The following CBR4 variants were observed in gnomAD, a reference collection of about 807,000 sequenced individuals.
CBR4 encodes carbonyl reductase 4.
CBR4 carries 22 observed loss-of-function variants against 21.0 expected under a neutral mutation model. The ratio of observed to expected loss-of-function variants is 1.05; its 90% CI spans 0.75 to 1.50. The LOEUF (loss-of-function observed/expected upper bound fraction) is 1.50, where lower values mean the gene tolerates loss of function less well. Among genes scored for constraint, CBR4 ranks in the 40% most tolerant of loss-of-function variants. The pLI, the probability that CBR4 is intolerant of heterozygous loss-of-function variation, is 0.00. For missense variants in CBR4, 302 were observed against 286.3 expected, an observed-to-expected ratio of 1.05 and a Z score of -0.40; for synonymous variants, 100 against 104.4, an observed-to-expected ratio of 0.96 and a Z score of 0.26.
In CBR4 at chr4:168,949,929, T is replaced by A. The variant is rs149034935; in HGVS notation, n.169+52142A>T. 5.3e-4 allele frequency among the ~76,000 whole-genome samples: 80 copies of A among 152,238 alleles called. No homozygotes were observed. In the East Asian group the frequency reaches 0.015, roughly 28 times the overall value. ...AGGTGTTCATAGTAGCCTTGAATAA[T>A]CTTTTGTATTTCCGTGTTGTCAGTT... On this transcript the variant is annotated intron_variant and non_coding_transcript_variant, in intron 2 of 3. Coordinates refer to the CBR4 transcript ENST00000509108.
rs1762577012 is a variant in CBR4, at chr4:168,926,341, C to T, written n.170-31576G>A. ...GTTCCAACCTGAGGCCAACCCATCT[C>T]ACCTGACACTGAATACTGCCTTGGT... On this transcript the variant is annotated intron_variant and non_coding_transcript_variant, in intron 2 of 3. Transcript: ENST00000509108. 3 of 1,537,368 alleles carry T rather than the reference C, an allele frequency of 2.0e-6. No individual in the cohort carries two copies. Among genetic ancestry groups the T allele is most frequent in the Non-Finnish European group, 2.6e-6 (3 of 1,146,830 alleles).
At chr4:168,921,872 C>A in intron 2 of CBR4, 1 of 772,620 alleles carries the variant, frequency 1.3e-6, no homozygotes, top group Non-Finnish European at 2.2e-6. Context: ...TCAAAATAGC[C>A]AATGAGGACA....
chr4:168,951,185 A>G (rs1207797881), intron 2 of CBR4, among the ~76,000 whole-genome samples: 1 of 152,022 alleles, frequency 6.6e-6, no homozygotes, highest in Non-Finnish European at 1.5e-5. Flanking sequence ...CAGCCTCCTA[A>G]GTAGCTGGGA....
intron 2 of CBR4, among the ~76,000 whole-genome samples, chr4:168,914,521 A>C (rs556119583): frequency 1.3e-5 from 2 of 152,350 alleles, no homozygotes; most frequent in South Asian, 4.1e-4. Flanking sequence ...CACATTTTAA[A>C]TACTCAGATA....
chr4:168,898,650 A>T, intron 2 of CBR4: 1 of 1,614,198 alleles, frequency 6.2e-7, no homozygotes, highest in Non-Finnish European at 8.5e-7. Context: ...CTGAAACATT[A>T]CAAGATCTTT....
At position 168,979,771 on chromosome 4, in the gene CBR4, A is replaced by G. The variant is rs1454314102; in HGVS notation, n.169+22300T>C. Among the ~76,000 whole-genome samples, 3 of 152,058 alleles carry G rather than the reference A, an allele frequency of 2.0e-5. No homozygotes were observed. In the East Asian group the frequency reaches 5.8e-4, roughly 29 times the overall value. On this transcript the variant is annotated intron_variant and non_coding_transcript_variant, in intron 2 of 3. Coordinates refer to the CBR4 transcript ENST00000509108. ...CCCCCAGCTGAATATTCCCATTCGC[A>G]GTGGCTCTGCATTTCCCAGGGGCGG...
At chr4:168,944,602 A>G (rs1004211692) in intron 2 of CBR4, among the ~76,000 whole-genome samples, 2 of 152,190 alleles carry the variant, frequency 1.3e-5, no homozygotes, top group Non-Finnish European at 2.9e-5. Flanking sequence ...CCTCAACCAT[A>G]AGGGATAGTT....
chr4:168,980,258 TGA>T (rs1764506009), intron 2 of CBR4, among the ~76,000 whole-genome samples: 1 of 151,578 alleles, frequency 6.6e-6, no homozygotes, highest in Non-Finnish European at 1.5e-5. Flanking sequence ...CTCTCCCACT[TGA>T]GAGGAGGCTC....
At chr4:168,896,565 A>G (rs1450039629) in intron 2 of CBR4, 2 of 1,513,252 alleles carry the variant, frequency 1.3e-6, no homozygotes, top group Non-Finnish European at 1.8e-6. Context: ...GGTTCTCCTC[A>G]TGCTTCTGTA....
chr4:168,946,070 C>T (rs2126689903), intron 2 of CBR4, among the ~76,000 whole-genome samples: 1 of 152,330 alleles, frequency 6.6e-6, no homozygotes, highest in South Asian at 2.1e-4. Context: ...CTCTCATCCT[C>T]TCCTATACCT....
At chr4:169,006,687 C>A (rs976585871) in intron 3 of CBR4, 68 bp downstream of exon 3, 29 of 1,330,816 alleles carry the variant, frequency 2.2e-5, no homozygotes, top group Non-Finnish European at 2.7e-5. Context: ...ATCACAAATT[C>A]GTGGATTAAA....
chr4:168,924,949 C>T lies in CBR4; in HGVS notation n.170-30184G>A, dbSNP rs778210310. 52 of 1,613,972 alleles carry T rather than the reference C, an allele frequency of 3.2e-5. No homozygotes were observed. Among genetic ancestry groups the T allele is most frequent in the Non-Finnish European group, 4.4e-5 (52 of 1,179,978 alleles). On this transcript the variant is annotated intron_variant and non_coding_transcript_variant, in intron 2 of 3. Coordinates refer to the CBR4 transcript ENST00000509108. ...TGACTTTATCCTTTTCTCCAGCATG[C>T]ACCAGGACAACCACGGCTACATCTG...
rs572843604 is a variant in CBR4, at chr4:168,942,071, A to T, written n.170-47306T>A. On this transcript the variant is annotated intron_variant and non_coding_transcript_variant, in intron 2 of 3. Coordinates refer to the CBR4 transcript ENST00000509108. ...TGCAGCCATAAAAAAGAATGAGTTC[A>T]TGTCCTTTGCAGGGACATGGATGAA... Among the ~76,000 whole-genome samples, 3 of 152,324 alleles carry T rather than the reference A, an allele frequency of 2.0e-5. No individual in the cohort carries two copies. In the South Asian group the frequency reaches 6.2e-4, roughly 32 times the overall value.
Position 168,903,822 on chromosome 4 carries a change from T to C in CBR4, n.170-9057A>G. The C allele has an allele frequency of 1.1e-5, 18 of 1,612,768 alleles. No individual in the cohort carries two copies. Among genetic ancestry groups the C allele is most frequent in the Non-Finnish European group, 1.5e-5 (18 of 1,178,828 alleles). ...GTGATCACTACACCATTCAAAGAGATCTCGATGGGACCTGCTCCCTCCATA... is the reference window on the plus strand; with the variant it reads ...GTGATCACTACACCATTCAAAGAGACCTCGATGGGACCTGCTCCCTCCATA... On this transcript the variant is annotated intron_variant and non_coding_transcript_variant, in intron 2 of 3. Coordinates refer to the CBR4 transcript ENST00000509108.
intron 2 of CBR4, chr4:168,924,116 G>A: frequency 1.4e-6 from 1 of 699,382 alleles, no homozygotes; most frequent in Non-Finnish European, 2.5e-6. Flanking sequence ...ATTTGGAGAG[G>A]GGACTAGCAT....
At chr4:168,912,505 T>C (rs972471837) in intron 2 of CBR4, among the ~76,000 whole-genome samples, 1 of 152,224 alleles carries the variant, frequency 6.6e-6, no homozygotes, top group Non-Finnish European at 1.5e-5. Flanking sequence ...AAAGTAACAA[T>C]GTGTGGCTTA....
At chr4:168,907,380 C>T (rs1758021410) in intron 2 of CBR4, among the ~76,000 whole-genome samples, 1 of 152,144 alleles carries the variant, frequency 6.6e-6, no homozygotes, top group South Asian at 2.1e-4. Context: ...GGAATTTCTA[C>T]CCAGTATGTT....
At chr4:168,936,343 G>A (rs1420804808) in intron 2 of CBR4, among the ~76,000 whole-genome samples, 1 of 152,196 alleles carries the variant, frequency 6.6e-6, no homozygotes, top group East Asian at 1.9e-4. Flanking sequence ...ATGCAAAAGG[G>A]CTGAAAATTG....
intron 4 of CBR4, among the ~76,000 whole-genome samples, chr4:168,997,628 A>T (rs1765269089): frequency 1.3e-5 from 2 of 152,198 alleles, no homozygotes; most frequent in Admixed American, 1.3e-4. Flanking sequence ...TAAAAAGATT[A>T]TATCCTTTAT....
Sources: gnomAD v4.1 joint callset for allele counts (sites outside exome capture counted in the v4.1 genomes callset) on GRCh38, gnomAD v4.1.1 for gene constraint, MANE v1.5 for transcripts, NCBI Gene and HGNC (gene_info 2026-07-23, HGNC 2026-07-21) for gene names.